The following ZMIZ2 variants were observed in gnomAD, a reference collection of about 807,000 sequenced individuals.
The protein encoded by ZMIZ2 is zinc finger MIZ-type containing 2.
Under a neutral mutation model 93.9 loss-of-function variants are expected in ZMIZ2, and 26 were observed. The ratio of observed to expected loss-of-function variants is 0.28; its 90% CI spans 0.20 to 0.38. The LOEUF is 0.38. ZMIZ2 is among the 10% of genes least tolerant of loss of function. The pLI, the probability that ZMIZ2 is intolerant of heterozygous loss-of-function variation, is 1.00. For synonymous variants in ZMIZ2, 485 were observed against 516.4 expected, an observed-to-expected ratio of 0.94 and a Z score of 0.82; for missense variants, 1,023 against 1,235.0, an observed-to-expected ratio of 0.83 and a Z score of 2.57.
Position 44,765,207 on chromosome 7 carries a change from G to A in ZMIZ2, c.1998-128G>A. Reference sequence around the variant, plus strand: ...GCCCAGCGTCCTGCTCGATGTGGAAGGTGCTGGGTGGAAGCAAGCATTTGA... The same window carrying A: ...GCCCAGCGTCCTGCTCGATGTGGAAAGTGCTGGGTGGAAGCAAGCATTTGA... On this transcript the variant is annotated intron_variant, in intron 15 of 18. Transcript: ENST00000309315. This position sits in a 1 kb window ranked among gnomAD's most constrained non-coding sequence, Gnocchi z 4.1. 2 of 1,527,626 alleles carry A rather than the reference G, an allele frequency of 1.3e-6. No homozygotes were observed. Among genetic ancestry groups the A allele is most frequent in the Non-Finnish European group, 8.8e-7 (1 of 1,131,076 alleles). The allele number at this position is 1,527,626 out of a possible 1,614,324, so 94.6% of individuals were successfully genotyped here.
rs1791763395 is a variant in ZMIZ2, at chr7:44,766,865, G to C, written c.2655+202G>C. 6.6e-6 allele frequency among the ~76,000 whole-genome samples: 1 copy of C among 152,184 alleles called. No homozygotes were observed. Among genetic ancestry groups the C allele is most frequent in the Admixed American group, 6.5e-5 (1 of 15,284 alleles). ...TGCGATGTACCACATTTGTGTTCAT[G>C]AGGGGCCTGGATGCCGTACGGGCGG... On this transcript the variant is annotated intron_variant, in intron 18 of 18. Transcript: ENST00000309315. The surrounding 1 kb of genome is among the most constrained non-coding windows in gnomAD (Gnocchi z 4.4).
At chr7:44,762,829 G>A (rs1791340682) in intron 11 of ZMIZ2, 52 bp from the exon 12 acceptor site, 5 of 1,486,308 alleles carry the variant, frequency 3.4e-6, no homozygotes, top group Non-Finnish European at 4.5e-6. Context: ...TACCTGGCCA[G>A]GGTGGCCCCT....
chr7:44,757,673 T>C (rs977141723), intron 5 of ZMIZ2, 112 bp downstream of exon 5: 20 of 1,455,604 alleles, frequency 1.4e-5, no homozygotes, highest in Non-Finnish European at 1.7e-5. Flanking sequence ...CCAGGGCTCA[T>C]GAAGCCAGTA....
intron 3 of ZMIZ2, 90 bp from the exon 4 acceptor site, chr7:44,756,857 G>T: frequency 6.6e-7 from 1 of 1,515,048 alleles, no homozygotes; most frequent in Non-Finnish European, 9.1e-7. Context: ...CAACCCACTT[G>T]CCAGGCCTGT....
chr7:44,753,654 C>T (rs777016226), intron 1 of ZMIZ2, among the ~76,000 whole-genome samples: 15 of 152,120 alleles, frequency 9.9e-5, no homozygotes, highest in Non-Finnish European at 1.5e-4. Flanking sequence ...GGGCCTTTCC[C>T]GAAGGAAAAA....
At chr7:44,759,961 G>A (rs1441326212) in intron 7 of ZMIZ2, 190 bp from the exon 8 acceptor site, 1 of 655,602 alleles carries the variant, frequency 1.5e-6, no homozygotes, top group East Asian at 2.9e-5. Flanking sequence ...TGTCTTTTCA[G>A]CCCCTCCAAC....
At position 44,762,866 on chromosome 7, in the gene ZMIZ2, C is replaced by G. The variant is rs199811568; in HGVS notation, c.1597-15C>G. The G allele has an allele frequency of 6.3e-7, 1 of 1,593,658 alleles. No individual in the cohort carries two copies. The highest frequency in any genetic ancestry group is 1.1e-5 in the South Asian group (1 of 89,300). On this transcript the variant is annotated splice_polypyrimidine_tract_variant and intron_variant, in intron 11 of 18. Transcript: ENST00000309315. ...GCCCAAGTCCCCCTGATGACATCCT[C>G]CCGTTGTATTGCAGTCCCACCTCTT...
intron 5 of ZMIZ2, 81 bp from the exon 6 acceptor site, chr7:44,757,763 ATGGG>A: frequency 1.0e-6 from 1 of 978,410 alleles, no homozygotes; most frequent in Non-Finnish European, 1.3e-6. Flanking sequence ...TGGTGCCCAC[ATGGG>A]TGGGTGGGCG....
intron 2 of ZMIZ2, 43 bp from the exon 3 acceptor site, chr7:44,756,382 A>G (rs1346387743): frequency 2.5e-6 from 4 of 1,613,770 alleles, no homozygotes; most frequent in Non-Finnish European, 3.4e-6. Flanking sequence ...CTTGGACACC[A>G]GTGGCTTCCT....
At position 44,748,858 on chromosome 7, in the gene ZMIZ2, G is replaced by C. The variant is rs1378666512; in HGVS notation, c.-196G>C. ...GCGGCGGCGGCTCCATTGTGCCCTC[G>C]GAGCGGGCGGCGGCGCGATGGCGCG... On this transcript the variant is annotated 5_prime_UTR_variant, in exon 1 of 19. Transcript: ENST00000309315. The C allele has an allele frequency of 6.7e-6, 1 of 148,880 alleles. No homozygotes were observed. The highest frequency in any genetic ancestry group is 1.8e-4 in the South Asian group (1 of 5,668). The allele number at this position is 148,880 out of a possible 1,614,324, so 9.2% of individuals were successfully genotyped here. A position where few individuals can be genotyped will look rare whatever the true frequency, so the allele number is the denominator to read the frequency against.
intron 6 of ZMIZ2, 143 bp downstream of exon 6, chr7:44,758,251 G>C (rs1380114312): frequency 1.8e-6 from 2 of 1,133,326 alleles, no homozygotes; most frequent in Non-Finnish European, 2.3e-6. Context: ...AAACCAAGGA[G>C]GGTGGATCCC....
In ZMIZ2 at chr7:44,765,830, G is replaced by C; in HGVS notation, c.2242+251G>C. ...GCCTCCACCCTTCCTTCCCCGTTTG[G>C]ATTAAGGGGCTCCTGGCTGGAACAC... On this transcript the variant is annotated intron_variant, in intron 16 of 18. Coordinates refer to ENST00000309315, the MANE Select transcript of ZMIZ2 (RefSeq NM_031449.4). This position sits in a 1 kb window ranked among gnomAD's most constrained non-coding sequence, Gnocchi z 4.1. 9.2e-7 allele frequency: 1 copy of C among 1,089,150 alleles called. No individual in the cohort carries two copies. Among genetic ancestry groups the C allele is most frequent in the Non-Finnish European group, 1.3e-6 (1 of 790,210 alleles). The allele number at this position is 1,089,150 out of a possible 1,614,324, so 67.5% of individuals were successfully genotyped here.
intron 1 of ZMIZ2, among the ~76,000 whole-genome samples, chr7:44,750,181 G>A (rs748684260): frequency 2.6e-5 from 4 of 152,168 alleles, no homozygotes; most frequent in Admixed American, 6.5e-5. Flanking sequence ...GTCCTAGGAT[G>A]CTACCAGATA....
rs1789861077 is a variant in ZMIZ2 at position 44,748,856 on chromosome 7, T to G, written c.-198T>G. 6.7e-6 allele frequency: 1 copy of G among 148,428 alleles called. No homozygotes were observed. Among genetic ancestry groups the G allele is most frequent in the Non-Finnish European group, 1.5e-5 (1 of 66,656 alleles). 9.2% of individuals were successfully genotyped at this position (148,428 alleles called of 1,614,324 possible). A position where few individuals can be genotyped will look rare whatever the true frequency, so the allele number is the denominator to read the frequency against. ...GCGCGGCGGCGGCTCCATTGTGCCC[T>G]CGGAGCGGGCGGCGGCGCGATGGCG... On this transcript the variant is annotated 5_prime_UTR_variant, in exon 1 of 19. Coordinates refer to ENST00000309315, the MANE Select transcript of ZMIZ2 (RefSeq NM_031449.4).
chr7:44,767,410 A>C (rs1791827291), intron 18 of ZMIZ2, 106 bp from the exon 19 acceptor site: 2 of 987,754 alleles, frequency 2.0e-6, no homozygotes, highest in Non-Finnish European at 3.1e-6. Context: ...GCTGCTCAGC[A>C]TCCCCACTGT....
At position 44,756,473 on chromosome 7, in the gene ZMIZ2, TCAGC is replaced by T; in HGVS notation, c.101_104del (p.Gln34ArgfsTer38). 1.2e-6 allele frequency: 2 copies of T among 1,614,080 alleles called. No individual in the cohort carries two copies. Among genetic ancestry groups the T allele is most frequent in the Non-Finnish European group, 8.5e-7 (1 of 1,180,022 alleles). ...CTGTGCCTTGGCAACAAAGCGCCAC[TCAGC>T]CGGCTGGATCGCTGTCTGTGGTCAC... On this transcript the variant is annotated frameshift_variant, in exon 3 of 19. Coordinates refer to ENST00000309315, the MANE Select transcript of ZMIZ2 (RefSeq NM_031449.4). LOFTEE classifies it high-confidence loss of function.
At chr7:44,752,086 C>T (rs1007457217) in intron 1 of ZMIZ2, among the ~76,000 whole-genome samples, 2 of 152,098 alleles carry the variant, frequency 1.3e-5, no homozygotes, top group Non-Finnish European at 2.9e-5. Context: ...AACATTGCAC[C>T]AGGACACTAC....
In ZMIZ2 at chr7:44,761,511, C is replaced by T; in HGVS notation, c.1303C>T (p.Pro435Ser). Reference protein sequence around the residue: ...FPVRDGVVLEPFRLQHNLAVS... With the variant: ...FPVRDGVVLESFRLQHNLAVS... Reference sequence around the variant, plus strand: ...TGTGCGCGATGGGGTGGTCCTGGAGCCCTTCCGCCTGCAGCACAACCTGGC... The same window carrying T: ...TGTGCGCGATGGGGTGGTCCTGGAGTCCTTCCGCCTGCAGCACAACCTGGC... The change falls in exon 10 of 19, where the codon CCC becomes TCC. Residue 435 changes from proline (P) to serine (S), a missense_variant. Pro to Ser is a moderately conservative substitution (Grantham distance 74). Transcript: ENST00000309315. The surrounding 1 kb of genome is among the most constrained non-coding windows in gnomAD (Gnocchi z 5.8). The T allele has an allele frequency of 1.9e-6, 3 of 1,614,106 alleles. No homozygotes were observed. The highest frequency in any genetic ancestry group is 2.5e-6 in the Non-Finnish European group (3 of 1,180,042).
At position 44,758,498 on chromosome 7, in the gene ZMIZ2, G is replaced by A. The variant is rs1175681561; in HGVS notation, c.813+390G>A. 4.0e-5 allele frequency among the ~76,000 whole-genome samples: 6 copies of A among 151,272 alleles called. No individual in the cohort carries two copies. In the East Asian group the frequency reaches 7.7e-4, roughly 20 times the overall value. On this transcript the variant is annotated intron_variant, in intron 6 of 18. Coordinates refer to ENST00000309315, the MANE Select transcript of ZMIZ2 (RefSeq NM_031449.4). The stretch of plus-strand genomic sequence containing the variant: ...AAAAAAAAAAAAAAAAGCAAAAGCC[G>A]GGCATGCTGTCTCATGCCTGTAATC...
Sources: allele counts gnomAD v4.1 joint callset (sites outside exome capture counted in the v4.1 genomes callset), GRCh38; gene constraint gnomAD v4.1.1; non-coding constraint Gnocchi (gnomAD v3.1); transcripts MANE v1.5; gene names NCBI Gene and HGNC (gene_info 2026-07-23, HGNC 2026-07-21).